NUDCD1: variants seen among roughly 807,000 people sequenced by gnomAD.
NUDCD1 encodes the protein nudC domain-containing protein 1.
A neutral mutation model predicts 67.8 loss-of-function variants in NUDCD1; 60 were observed. The ratio of observed to expected loss-of-function variants is 0.88; its 90% CI spans 0.72 to 1.10. The LOEUF (loss-of-function observed/expected upper bound fraction) is 1.10. NUDCD1 is among the 50% of genes least tolerant of loss of function. NUDCD1 has a pLI of 0.00. For synonymous variants in NUDCD1, 244 were observed against 230.8 expected (o/e 1.06, Z -0.52); for missense variants, 643 against 695.0 (o/e 0.93, Z 0.84).
chr8:109,242,904 AT>A lies in NUDCD1; in HGVS notation c.*104del, dbSNP rs1813398805. On this transcript the variant is annotated 3_prime_UTR_variant, in exon 10 of 10. Coordinates refer to ENST00000239690, the MANE Select transcript of NUDCD1 (RefSeq NM_032869.4). The stretch of plus-strand genomic sequence containing the variant: ...ATTAAAAAATAAAAAATCATACAAG[AT>A]ATATTTAGCACATTAAAACTTAAGA... The A allele has an allele frequency of 6.7e-6, 4 of 600,938 alleles. No homozygotes were observed. Among genetic ancestry groups the A allele is most frequent in the Non-Finnish European group, 8.6e-6 (3 of 350,818 alleles). The allele number at this position is 600,938 out of a possible 1,614,324, so 37.2% of individuals were successfully genotyped here.
chr8:109,273,983 G>A (rs1309746320), intron 7 of NUDCD1, among the ~76,000 whole-genome samples: 4 of 151,884 alleles, frequency 2.6e-5, no homozygotes, highest in South Asian at 2.1e-4. Context: ...TGACCAAGAC[G>A]GGCTTATCCC....
intron 1 of NUDCD1, among the ~76,000 whole-genome samples, chr8:109,333,244 C>A (rs1378945712): frequency 2.0e-5 from 3 of 152,178 alleles, no homozygotes; most frequent in Non-Finnish European, 4.4e-5. Flanking sequence ...AAATGCAGAT[C>A]TCTGGGCTCT....
intron 5 of NUDCD1, among the ~76,000 whole-genome samples, chr8:109,286,650 A>C (rs1814581064): frequency 1.3e-5 from 2 of 152,166 alleles, no homozygotes; most frequent in Admixed American, 6.5e-5. Flanking sequence ...TGAAGATTTA[A>C]ATGTAAGACC....
At chr8:109,245,576 C>T (rs1813475831) in intron 8 of NUDCD1, 95 bp from the exon 9 acceptor site, 1 of 904,248 alleles carries the variant, frequency 1.1e-6, no homozygotes, top group East Asian at 2.6e-5. Flanking sequence ...TAAGTGTCAG[C>T]AACTGTTTTA....
intron 1 of NUDCD1, among the ~76,000 whole-genome samples, chr8:109,325,804 A>G (rs537123564): frequency 3.5e-4 from 53 of 152,260 alleles, no homozygotes; most frequent in Non-Finnish European, 5.9e-4. Flanking sequence ...AGTTTATAAA[A>G]GAGTACTTAT....
chr8:109,306,487 T>C (rs755240097), intron 2 of NUDCD1, among the ~76,000 whole-genome samples: 13 of 150,198 alleles, frequency 8.7e-5, no homozygotes, highest in Non-Finnish European at 1.5e-4. Flanking sequence ...TACTCACTGC[T>C]AAAAAAAAAG....
intron 2 of NUDCD1, chr8:109,313,964 T>C: frequency 2.5e-6 from 1 of 392,902 alleles, no homozygotes; most frequent in Non-Finnish European, 4.9e-6. Flanking sequence ...TTAATGACAG[T>C]TAAAGTGAAA....
chr8:109,300,342 AC>A (rs1391861988), intron 2 of NUDCD1, among the ~76,000 whole-genome samples: 5 of 86,230 alleles, frequency 5.8e-5, no homozygotes, highest in African/African-American at 4.3e-4. Context: ...ACGTAAGGAA[AC>A]AAAAAAAAAT....
At chr8:109,329,959 A>T in intron 1 of NUDCD1, 1 of 1,411,178 alleles carries the variant, frequency 7.1e-7, no homozygotes, top group Non-Finnish European at 9.3e-7. Context: ...CGCATAATAC[A>T]GATTCTATAG....
Position 109,296,438 on chromosome 8 carries a change from T to G in NUDCD1, c.405A>C (p.Arg135Ser). 1.2e-6 allele frequency: 2 copies of G among 1,613,676 alleles called. No individual in the cohort carries two copies. The highest frequency in any genetic ancestry group is 1.7e-6 in the Non-Finnish European group (2 of 1,179,718). Reference sequence around the variant, plus strand: ...GTTCACCTGTTCCAATGACATACAATCTTCCAGTTCCATCTGACAAGGTAA... The same window carrying G: ...GTTCACCTGTTCCAATGACATACAAGCTTCCAGTTCCATCTGACAAGGTAA... ...TWVTLSDGTG[R>S]LYVIGTGERG... Residue 135 changes from arginine to serine, a missense_variant, in exon 3 of 10, where the codon AGA becomes AGC. Arg to Ser is a moderately radical substitution (Grantham distance 110). Transcript: ENST00000239690.
chr8:109,289,870 G>C lies in NUDCD1; in HGVS notation c.704C>G (p.Ala235Gly), dbSNP rs1292310096. 2.6e-6 allele frequency: 4 copies of C among 1,548,198 alleles called. No homozygotes were observed. In the East Asian group the frequency reaches 9.9e-5, roughly 38 times the overall value. The change falls in exon 5 of 10, where the codon GCT (alanine) becomes GGT (glycine). Residue 235 changes from alanine to glycine, a missense_variant. Transcript: ENST00000239690. ...ACCATTTCCATCAGGCTCAATAGCA[G>C]CATAATGTGGCACTGACTTTCCACG... ...ILRGKSVPHYAAIEPDGNGLM... is the reference protein window; with the variant it reads ...ILRGKSVPHYGAIEPDGNGLM...
chr8:109,296,067 T>C (rs1360921923), intron 3 of NUDCD1, among the ~76,000 whole-genome samples: 1 of 152,136 alleles, frequency 6.6e-6, no homozygotes, highest in African/African-American at 2.4e-5. Context: ...CATAAGCTTT[T>C]GGTCAACTCT....
chr8:109,313,524 TC>T (rs1235010103), intron 2 of NUDCD1, among the ~76,000 whole-genome samples: 2 of 152,180 alleles, frequency 1.3e-5, no homozygotes, highest in Non-Finnish European at 2.9e-5. Flanking sequence ...GAGAAAATTT[TC>T]CCCTTTTGCT....
chr8:109,298,782 T>A (rs1161007533), intron 2 of NUDCD1: 3 of 152,212 alleles, frequency 2.0e-5, no homozygotes. Flanking sequence ...GCTCCAACTC[T>A]GATGGACAGA....
rs143729793 is a variant in NUDCD1 at position 109,249,433 on chromosome 8, G to A, written c.1300-3952C>T. On this transcript the variant is annotated intron_variant, in intron 8 of 9. Transcript: ENST00000239690. Reference sequence around the variant, plus strand: ...TTTATGTCTCAGAAATGTGTAAATAGCTATAAAAATAACATACACTTATTC... The same window carrying A: ...TTTATGTCTCAGAAATGTGTAAATAACTATAAAAATAACATACACTTATTC... Among the ~76,000 whole-genome samples the A allele has an allele frequency of 1.8e-3, 271 of 152,170 alleles. 1 individual carries two copies. The highest frequency in any genetic ancestry group is 6.3e-3 in the African/African-American group (260 of 41,534).
At chr8:109,250,932 GT>G (rs1298028490) in intron 8 of NUDCD1, among the ~76,000 whole-genome samples, 1 of 151,920 alleles carries the variant, frequency 6.6e-6, no homozygotes, top group Non-Finnish European at 1.5e-5. Context: ...TTTCCTTCCT[GT>G]TTTCTCATCT....
At chr8:109,250,071 C>T (rs1813589576) in intron 8 of NUDCD1, among the ~76,000 whole-genome samples, 1 of 151,958 alleles carries the variant, frequency 6.6e-6, no homozygotes, top group South Asian at 2.1e-4. Context: ...TGGTCTTGAA[C>T]TCAACTCAAG....
intron 2 of NUDCD1, among the ~76,000 whole-genome samples, chr8:109,300,646 A>G (rs1329136549): frequency 6.6e-6 from 1 of 152,210 alleles, no homozygotes; most frequent in Non-Finnish European, 1.5e-5. Flanking sequence ...CTGTGGAAGA[A>G]GAGAAATCTG....
At chr8:109,279,029 A>C (rs1163250800) in intron 6 of NUDCD1, among the ~76,000 whole-genome samples, 2 of 152,162 alleles carry the variant, frequency 1.3e-5, no homozygotes, top group Non-Finnish European at 2.9e-5. Context: ...AAATACAAAA[A>C]TTAGCTGAGT....
Sources: gnomAD v4.1 joint callset for allele counts (sites outside exome capture counted in the v4.1 genomes callset) on GRCh38, gnomAD v4.1.1 for gene constraint, MANE v1.5 for transcripts, NCBI Gene and HGNC (gene_info 2026-07-23, HGNC 2026-07-21) for gene names.